GABRG3: variants seen among roughly 807,000 people sequenced by gnomAD.
GABRG3 encodes gamma-aminobutyric acid receptor subunit gamma-3.
GABRG3 carries 25 observed loss-of-function variants against 48.8 expected under a neutral mutation model. That is an observed-to-expected ratio of 0.51 (90% confidence interval 0.37 to 0.72). The LOEUF (loss-of-function observed/expected upper bound fraction) is 0.72. GABRG3 is among the 30% of genes least tolerant of loss of function. GABRG3 has a pLI of 0.00. For missense variants in GABRG3, 394 were observed against 577.9 expected, an observed-to-expected ratio of 0.68 and a Z score of 3.26; for synonymous variants, 227 against 217.6, an observed-to-expected ratio of 1.04 and a Z score of -0.38.
intron 5 of GABRG3, among the ~76,000 whole-genome samples, chr15:27,387,103 T>C (rs1012903221): frequency 1.2e-4 from 19 of 152,174 alleles, no homozygotes; most frequent in African/African-American, 4.3e-4. Flanking sequence ...AAATATACTA[T>C]GATCAGAGCA....
intron 3 of GABRG3, among the ~76,000 whole-genome samples, chr15:27,090,566 T>C (rs1897167702): frequency 6.6e-6 from 1 of 152,188 alleles, no homozygotes; most frequent in Non-Finnish European, 1.5e-5. Context: ...TTTAGTTTCA[T>C]GGTCATCCTA....
At chr15:27,066,204 T>A (rs1302475985) in intron 3 of GABRG3, among the ~76,000 whole-genome samples, 3 of 152,260 alleles carry the variant, frequency 2.0e-5, no homozygotes, top group Non-Finnish European at 4.4e-5. Flanking sequence ...CTAATAGTAC[T>A]TACTATGATA....
rs1269799737 is a variant in GABRG3, at chr15:27,532,690, G to A, written c.1213G>A (p.Val405Ile). The A allele has an allele frequency of 6.2e-7, 1 of 1,613,996 alleles. No homozygotes were observed. The highest frequency in any genetic ancestry group is 1.7e-5 in the Admixed American group (1 of 60,022). Reference protein sequence around the residue: ...VYWQEFEDTCVYECLDGKDCQ... With the variant: ...VYWQEFEDTCIYECLDGKDCQ... The stretch of plus-strand genomic sequence containing the variant: ...CTGGCAGGAATTTGAAGATACCTGT[G>A]TCTATGAGTGTCTGGATGGCAAAGA... Residue 405 changes from valine to isoleucine, a missense_variant, in exon 10 of 10, where the codon GTC (valine) becomes ATC (isoleucine). Physicochemically the swap from Val to Ile is conservative, Grantham distance 29. Transcript: ENST00000615808.
chr15:27,410,828 G>A (rs1343371276), intron 5 of GABRG3, among the ~76,000 whole-genome samples: 1 of 146,210 alleles, frequency 6.8e-6, no homozygotes, highest in Non-Finnish European at 1.5e-5. Flanking sequence ...GAGAGAGAGA[G>A]CACACGTGCG....
At chr15:27,277,384 A>T (rs142391821) in intron 3 of GABRG3, among the ~76,000 whole-genome samples, 302 of 152,296 alleles carry the variant, frequency 2.0e-3, no homozygotes, top group African/African-American at 7.2e-3. Context: ...TAACTATGTA[A>T]CATTGCAGGG....
At chr15:27,388,157 A>G (rs866398031) in intron 5 of GABRG3, among the ~76,000 whole-genome samples, 3 of 49,574 alleles carry the variant, frequency 6.1e-5, no homozygotes, top group Non-Finnish European at 6.8e-5. Context: ...GAAGGAAGGA[A>G]GAAAGGAAGG....
chr15:27,345,693 T>G (rs912393484), intron 5 of GABRG3, among the ~76,000 whole-genome samples: 4 of 152,216 alleles, frequency 2.6e-5, no homozygotes, highest in African/African-American at 9.6e-5. Context: ...TCTGCATGAT[T>G]AAATTCTTTT....
At chr15:26,993,935 TG>T (rs1895292042) in intron 2 of GABRG3, among the ~76,000 whole-genome samples, 1 of 152,078 alleles carries the variant, frequency 6.6e-6, no homozygotes, top group Admixed American at 6.6e-5. Context: ...CTTGCCGAAT[TG>T]AACCCTTTAT....
At chr15:27,320,111 G>A (rs1893369331) in intron 3 of GABRG3, among the ~76,000 whole-genome samples, 1 of 152,124 alleles carries the variant, frequency 6.6e-6, no homozygotes, top group African/African-American at 2.4e-5. Flanking sequence ...AAAGCCCAAG[G>A]ACCCCTCACT....
intron 5 of GABRG3, among the ~76,000 whole-genome samples, chr15:27,460,144 C>G (rs913946404): frequency 8.5e-5 from 13 of 152,168 alleles, no homozygotes; most frequent in Non-Finnish European, 1.3e-4. Flanking sequence ...AGTATTATAA[C>G]CGGAAGTACC....
chr15:27,408,362 ACT>A (rs1887700395), intron 5 of GABRG3, among the ~76,000 whole-genome samples: 1 of 152,314 alleles, frequency 6.6e-6, no homozygotes, highest in African/African-American at 2.4e-5. Flanking sequence ...AGTTGAGAAC[ACT>A]GTTTCCAGAA....
At chr15:27,196,899 A>G (rs766316074) in intron 3 of GABRG3, among the ~76,000 whole-genome samples, 5 of 152,216 alleles carry the variant, frequency 3.3e-5, no homozygotes, top group Non-Finnish European at 7.3e-5. Flanking sequence ...TCAGTAGGTG[A>G]TGTAGTTGCT....
chr15:27,379,554 A>C (rs1237919679), intron 5 of GABRG3, among the ~76,000 whole-genome samples: 2 of 152,166 alleles, frequency 1.3e-5, no homozygotes, highest in Admixed American at 6.5e-5. Context: ...TTTCTGACCT[A>C]TATCATTTTC....
At chr15:27,378,273 C>T (rs914404420) in intron 5 of GABRG3, among the ~76,000 whole-genome samples, 1 of 151,936 alleles carries the variant, frequency 6.6e-6, no homozygotes, top group Non-Finnish European at 1.5e-5. Flanking sequence ...TTAAAAAAAC[C>T]CACAAATTTT....
At chr15:27,024,332 C>G (rs1035737355) in intron 2 of GABRG3, among the ~76,000 whole-genome samples, 1 of 152,060 alleles carries the variant, frequency 6.6e-6, no homozygotes. Flanking sequence ...ATTTATTTTT[C>G]TTTTGTTGCC....
intron 5 of GABRG3, among the ~76,000 whole-genome samples, chr15:27,449,811 T>C (rs1889055299): frequency 6.6e-6 from 1 of 152,230 alleles, no homozygotes; most frequent in African/African-American, 2.4e-5. Context: ...GTAAAGTTCA[T>C]CAATTCAATT....
At chr15:27,229,662 A>C (rs1889739370) in intron 3 of GABRG3, among the ~76,000 whole-genome samples, 1 of 152,018 alleles carries the variant, frequency 6.6e-6, no homozygotes, top group Admixed American at 6.6e-5. Context: ...TTTTTAGTAG[A>C]GACAGGGTTT....
At chr15:27,342,596 G>C (rs1330325175) in intron 5 of GABRG3, among the ~76,000 whole-genome samples, 1 of 152,262 alleles carries the variant, frequency 6.6e-6, no homozygotes, top group Admixed American at 6.5e-5. Context: ...CAGATTCTCA[G>C]GGCATTCCCA....
At chr15:27,184,006 A>C (rs1275857020) in intron 3 of GABRG3, among the ~76,000 whole-genome samples, 4 of 152,204 alleles carry the variant, frequency 2.6e-5, no homozygotes, top group Admixed American at 6.5e-5. Flanking sequence ...AAAAACAAAC[A>C]GGAGTTTATT....
Sources: gnomAD v4.1 joint callset for allele counts (sites outside exome capture counted in the v4.1 genomes callset) on GRCh38, gnomAD v4.1.1 for gene constraint, MANE v1.5 for transcripts, NCBI Gene and HGNC (gene_info 2026-07-23, HGNC 2026-07-21) for gene names.